The following FAM83B variants were observed in gnomAD, a reference collection of about 807,000 sequenced individuals.
FAM83B encodes scaffolding CK1 anchoring protein B.
Under a neutral mutation model 38.8 loss-of-function variants are expected in FAM83B, and 26 were observed. That is an observed-to-expected ratio of 0.67 (90% confidence interval 0.49 to 0.93). The LOEUF (loss-of-function observed/expected upper bound fraction) is 0.93. FAM83B is among the 40% of genes least tolerant of loss of function. FAM83B has a pLI of 0.00. For synonymous variants in FAM83B, 419 were observed against 423.1 expected (o/e 0.99, Z 0.12); for missense variants, 1,237 against 1,197.3 (o/e 1.03, Z -0.49).
intron 1 of FAM83B, among the ~76,000 whole-genome samples, chr6:54,864,064 T>G (rs1221269583): frequency 6.6e-6 from 1 of 152,224 alleles, no homozygotes; most frequent in East Asian, 1.9e-4. Context: ...GGTTTATTTT[T>G]TCTTAATGAA....
intron 2 of FAM83B, among the ~76,000 whole-genome samples, chr6:54,909,480 G>T (rs74467492): frequency 0.036 from 5,398 of 152,044 alleles, 307 homozygotes; most frequent in African/African-American, 0.12. Flanking sequence ...GCTTCATTTA[G>T]AAAATTATTA....
At chr6:54,874,021 A>G (rs1303682467) in intron 2 of FAM83B, among the ~76,000 whole-genome samples, 1 of 152,106 alleles carries the variant, frequency 6.6e-6, no homozygotes, top group African/African-American at 2.4e-5. Flanking sequence ...ATTAAAAATG[A>G]TTCTCAATCT....
intron 2 of FAM83B, among the ~76,000 whole-genome samples, chr6:54,911,521 A>G (rs1772908623): frequency 1.3e-5 from 2 of 152,172 alleles, no homozygotes; most frequent in Non-Finnish European, 2.9e-5. Flanking sequence ...AGAATATCTT[A>G]CAAAACCCTT....
At chr6:54,851,907 A>G (rs1002249397) in intron 1 of FAM83B, among the ~76,000 whole-genome samples, 49 of 151,984 alleles carry the variant, frequency 3.2e-4, no homozygotes, top group Admixed American at 5.9e-4. Context: ...TCGGCCTCCC[A>G]AAGTGCTGGG....
intron 2 of FAM83B, among the ~76,000 whole-genome samples, chr6:54,902,623 T>A (rs1772685374): frequency 6.7e-6 from 1 of 150,152 alleles, no homozygotes; most frequent in South Asian, 2.1e-4. Context: ...TTTTCCATAT[T>A]TTTATGTTTG....
chr6:54,909,057 C>T (rs1276439121), intron 2 of FAM83B, among the ~76,000 whole-genome samples: 2 of 152,154 alleles, frequency 1.3e-5, no homozygotes, highest in East Asian at 1.9e-4. Flanking sequence ...ACTTGTCTAA[C>T]ACAACTCATA....
intron 2 of FAM83B, among the ~76,000 whole-genome samples, chr6:54,883,242 C>CGATTGTTTAAA: frequency 6.6e-6 from 1 of 151,604 alleles, no homozygotes; most frequent in African/African-American, 2.4e-5. Context: ...CATGCCTAGC[C>CGATTGTTTAAA]ATTATTGTCA....
chr6:54,858,205 A>T (rs1472416792), intron 1 of FAM83B, among the ~76,000 whole-genome samples: 3 of 152,196 alleles, frequency 2.0e-5, no homozygotes, highest in African/African-American at 7.2e-5. Flanking sequence ...CTTGAGGAAA[A>T]TTCTTAGTCT....
In FAM83B at chr6:54,940,146, A is replaced by C. The variant is rs2127591503; in HGVS notation, c.1175A>C (p.Glu392Ala). Residue 392 changes from glutamate (E) to alanine (A), a missense_variant, in exon 5 of 5, where the codon GAA (glutamate) becomes GCA (alanine). Glu to Ala is a moderately radical substitution (Grantham distance 107, BLOSUM62 -1). Coordinates refer to ENST00000306858, the MANE Select transcript of FAM83B (RefSeq NM_001010872.3). ...ENWKRHSYAG[E>A]QPETVPYLLL... is the part of the protein sequence containing the mutation. ...TGGAAAAGGCATAGTTATGCTGGGG[A>C]ACAGCCAGAAACAGTGCCATACCTC... is the stretch of plus-strand genomic sequence containing the variant. The C allele has an allele frequency of 6.2e-7, 1 of 1,614,088 alleles. No individual in the cohort carries two copies. The highest frequency in any genetic ancestry group is 8.5e-7 in the Non-Finnish European group (1 of 1,180,008).
intron 2 of FAM83B, among the ~76,000 whole-genome samples, chr6:54,924,446 G>T (rs2127587969): frequency 6.6e-6 from 1 of 150,570 alleles, no homozygotes; most frequent in East Asian, 1.9e-4. Context: ...TCTAGTATCT[G>T]CCCCGATTCT....
In FAM83B at chr6:54,941,031, C is replaced by T; in HGVS notation, c.2060C>T (p.Thr687Ile). Residue 687 changes from threonine (T) to isoleucine (I), a missense_variant, in exon 5 of 5, where the codon ACA becomes ATA. Coordinates refer to ENST00000306858, the MANE Select transcript of FAM83B (RefSeq NM_001010872.3). ...PGNSKHYVYS[T>I]LTRNRVRQPE... ...AATAGTAAGCATTATGTATATAGTACACTTACCAGGAATCGAGTTAGACAA... is the reference window on the plus strand; with the variant it reads ...AATAGTAAGCATTATGTATATAGTATACTTACCAGGAATCGAGTTAGACAA... 6.2e-7 allele frequency: 1 copy of T among 1,613,804 alleles called. No individual in the cohort carries two copies. The highest frequency in any genetic ancestry group is 8.5e-7 in the Non-Finnish European group (1 of 1,179,944).
At chr6:54,930,843 T>A (rs1773404500) in intron 4 of FAM83B, among the ~76,000 whole-genome samples, 1 of 152,112 alleles carries the variant, frequency 6.6e-6, no homozygotes, top group South Asian at 2.1e-4. Flanking sequence ...GTACATATGG[T>A]ATAGGTCATA....
chr6:54,892,176 T>A (rs1206223382), intron 2 of FAM83B, among the ~76,000 whole-genome samples: 2 of 152,234 alleles, frequency 1.3e-5, no homozygotes, highest in Non-Finnish European at 2.9e-5. Context: ...TCTGTGTCTT[T>A]GCATTCTGCA....
At chr6:54,934,986 A>G (rs780023894) in intron 4 of FAM83B, among the ~76,000 whole-genome samples, 2 of 152,168 alleles carry the variant, frequency 1.3e-5, no homozygotes, top group East Asian at 1.9e-4. Context: ...CATTTATTAA[A>G]TACTTTCACT....
In FAM83B at chr6:54,944,767, T is replaced by C. The variant is rs909022426; in HGVS notation, c.*2760T>C. Reference sequence around the variant, plus strand: ...GGATGCAAAGTAGAATTGCTTTACATTGACTATATATGTGACATGTACGTT... The same window carrying C: ...GGATGCAAAGTAGAATTGCTTTACACTGACTATATATGTGACATGTACGTT... On this transcript the variant is annotated 3_prime_UTR_variant, in exon 5 of 5. Coordinates refer to ENST00000306858, the MANE Select transcript of FAM83B (RefSeq NM_001010872.3). The C allele has an allele frequency of 1.3e-5, 2 of 152,232 alleles. No homozygotes were observed. The highest frequency in any genetic ancestry group is 2.9e-5 in the Non-Finnish European group (2 of 68,046). 9.4% of individuals were successfully genotyped at this position (152,232 alleles called of 1,614,324 possible).
At chr6:54,876,690 T>C (rs1019929593) in intron 2 of FAM83B, among the ~76,000 whole-genome samples, 1 of 152,038 alleles carries the variant, frequency 6.6e-6, no homozygotes, top group African/African-American at 2.4e-5. Flanking sequence ...TATTACTCTT[T>C]AGTATTTTTA....
chr6:54,858,004 G>A (rs1214576559), intron 1 of FAM83B, among the ~76,000 whole-genome samples: 1 of 152,188 alleles, frequency 6.6e-6, no homozygotes, highest in African/African-American at 2.4e-5. Context: ...ATCCAGGGAA[G>A]AGGTCCACAA....
chr6:54,928,455 A>G (rs895521262), intron 4 of FAM83B, among the ~76,000 whole-genome samples: 1 of 152,134 alleles, frequency 6.6e-6, no homozygotes, highest in African/African-American at 2.4e-5. Flanking sequence ...GCCTCATATC[A>G]TTGTTGTGAG....
intron 2 of FAM83B, among the ~76,000 whole-genome samples, chr6:54,871,966 A>ATT (rs1771866689): frequency 6.6e-6 from 1 of 152,054 alleles, no homozygotes; most frequent in African/African-American, 2.4e-5. Context: ...AGACCCTTGA[A>ATT]TTCCTCAGTG....
Sources: gnomAD v4.1 joint callset for allele counts (sites outside exome capture counted in the v4.1 genomes callset) on GRCh38, gnomAD v4.1.1 for gene constraint, MANE v1.5 for transcripts, NCBI Gene and HGNC (gene_info 2026-07-23, HGNC 2026-07-21) for gene names.